TMCC1: variants seen among roughly 807,000 people sequenced by gnomAD.
TMCC1 encodes the protein transmembrane and coiled-coil domain family 1, also known as transmembrane and coiled-coil domains protein 1.
In TMCC1, 15 loss-of-function variants were observed where a neutral mutation model predicts 52.4. That is an observed-to-expected ratio of 0.29 (90% CI 0.19 to 0.44). The LOEUF (loss-of-function observed/expected upper bound fraction) is 0.44, where lower values mean the gene tolerates loss of function less well. TMCC1 is among the 20% of genes least tolerant of loss of function. The pLI is 1.00. For missense variants in TMCC1, 503 were observed against 806.0 expected (o/e 0.62, Z 4.55); for synonymous variants, 279 against 301.9 (o/e 0.92, Z 0.79).
intron 4 of TMCC1, among the ~76,000 whole-genome samples, chr3:129,827,103 A>G (rs1370282129): frequency 2.0e-5 from 3 of 152,234 alleles, no homozygotes; most frequent in East Asian, 3.8e-4. Context: ...TCCAAGCTCC[A>G]TAACACCTAA....
At chr3:129,846,804 G>A (rs941939936) in intron 2 of TMCC1, among the ~76,000 whole-genome samples, 1 of 149,530 alleles carries the variant, frequency 6.7e-6, no homozygotes, top group East Asian at 2.0e-4. Flanking sequence ...TGAGGCAGGA[G>A]GATCACTTGA....
intron 4 of TMCC1, among the ~76,000 whole-genome samples, chr3:129,725,104 CA>C (rs1168282054): frequency 6.6e-6 from 1 of 152,110 alleles, no homozygotes; most frequent in Non-Finnish European, 1.5e-5. Flanking sequence ...TAAAGATAAT[CA>C]TACAATTTCA....
At chr3:129,802,630 T>G (rs2057258879) in intron 4 of TMCC1, among the ~76,000 whole-genome samples, 1 of 152,058 alleles carries the variant, frequency 6.6e-6, no homozygotes, top group Admixed American at 6.6e-5. Context: ...CTATAGAGAC[T>G]AGCTGTGAAG....
intron 5 of TMCC1, among the ~76,000 whole-genome samples, chr3:129,665,517 G>C (rs1390446206): frequency 6.6e-6 from 1 of 152,164 alleles, no homozygotes; most frequent in Non-Finnish European, 1.5e-5. Flanking sequence ...ACTGGCCTAG[G>C]AAACTTTCCA....
chr3:129,706,266 C>T (rs558996606), intron 4 of TMCC1, among the ~76,000 whole-genome samples: 15 of 151,894 alleles, frequency 9.9e-5, no homozygotes, highest in Middle Eastern at 3.4e-3. Context: ...GTGCAGTGCG[C>T]GATCTCGGCT....
At chr3:129,787,443 A>G (rs2056119041) in intron 4 of TMCC1, among the ~76,000 whole-genome samples, 1 of 152,172 alleles carries the variant, frequency 6.6e-6, no homozygotes, top group South Asian at 2.1e-4. Context: ...GGGAAGTTGC[A>G]TGTCCATTGT....
chr3:129,848,150 T>C (rs1431479160), intron 2 of TMCC1, among the ~76,000 whole-genome samples: 2 of 152,194 alleles, frequency 1.3e-5, no homozygotes, highest in Non-Finnish European at 2.9e-5. Context: ...AGATTAAAAG[T>C]TTTTAACTTG....
At chr3:129,706,079 C>T (rs1476017432) in intron 4 of TMCC1, among the ~76,000 whole-genome samples, 4 of 150,928 alleles carry the variant, frequency 2.7e-5, no homozygotes, top group Non-Finnish European at 4.4e-5. Flanking sequence ...TTAGTAGAGA[C>T]GGGGTTTCAC....
chr3:129,737,429 G>A (rs1358349370), intron 4 of TMCC1, among the ~76,000 whole-genome samples: 2 of 151,890 alleles, frequency 1.3e-5, no homozygotes, highest in Non-Finnish European at 1.5e-5. Flanking sequence ...GTAGTGAGCC[G>A]AGATCACGCC....
At chr3:129,790,975 G>A (rs1312312394) in intron 4 of TMCC1, among the ~76,000 whole-genome samples, 1 of 151,996 alleles carries the variant, frequency 6.6e-6, no homozygotes, top group Non-Finnish European at 1.5e-5. Flanking sequence ...TATAGGAAAG[G>A]GCTGCTCTAA....
chr3:129,671,335 T>C (rs1034196716), intron 4 of TMCC1, 71 bp from the exon 5 acceptor site: 4 of 1,443,594 alleles, frequency 2.8e-6, no homozygotes, highest in Non-Finnish European at 3.7e-6. Flanking sequence ...TGGGCCAAAA[T>C]GTATTGGAAA....
At chr3:129,884,259 G>A (rs892333942) in intron 1 of TMCC1, among the ~76,000 whole-genome samples, 7 of 152,000 alleles carry the variant, frequency 4.6e-5, no homozygotes, top group Non-Finnish European at 1.0e-4. Flanking sequence ...AAATATACAC[G>A]CATACTGGAC....
chr3:129,655,965 A>C (rs535155115), intron 5 of TMCC1, among the ~76,000 whole-genome samples: 13 of 152,228 alleles, frequency 8.5e-5, no homozygotes, highest in Non-Finnish European at 1.5e-4. Context: ...ATGGATGATA[A>C]ATGTACAGAA....
At chr3:129,678,958 C>A (rs967383484) in intron 4 of TMCC1, among the ~76,000 whole-genome samples, 2 of 152,206 alleles carry the variant, frequency 1.3e-5, no homozygotes, top group Non-Finnish European at 2.9e-5. Flanking sequence ...GATTACGACA[C>A]TCTTTTTATA....
chr3:129,751,926 T>G (rs2052566049), intron 4 of TMCC1, among the ~76,000 whole-genome samples: 1 of 152,214 alleles, frequency 6.6e-6, no homozygotes, highest in African/African-American at 2.4e-5. Flanking sequence ...GCTGCCTATC[T>G]TCTATTTACT....
At chr3:129,791,088 A>ATTTTTT (rs34048545) in intron 4 of TMCC1, among the ~76,000 whole-genome samples, 1 of 82,968 alleles carries the variant, frequency 1.2e-5, no homozygotes, top group African/African-American at 3.9e-5. Flanking sequence ...ACACTCCATA[A>ATTTTTT]TTTTTTTTTT....
chr3:129,775,719 C>G (rs2054985579), intron 4 of TMCC1, among the ~76,000 whole-genome samples: 1 of 152,166 alleles, frequency 6.6e-6, no homozygotes, highest in African/African-American at 2.4e-5. Context: ...CAAATCCTAT[C>G]AAATCTACCT....
intron 4 of TMCC1, among the ~76,000 whole-genome samples, chr3:129,712,856 T>C (rs564050970): frequency 6.6e-6 from 1 of 152,172 alleles, no homozygotes; most frequent in Non-Finnish European, 1.5e-5. Flanking sequence ...CATTCTTGTT[T>C]TATAGATGAG....
Position 129,893,602 on chromosome 3 carries a change from C to T in TMCC1, c.-543G>A, listed in dbSNP as rs1013641111. On this transcript the variant is annotated 5_prime_UTR_variant, in exon 1 of 7. In the 5' UTR this introduces an upstream ATG that the reference lacks. Transcript: ENST00000393238. ...GCACCCGGTCCATCCCCCACAACCA[C>T]CCCCCCCTCCCGACCCTCCCCCCGC... 1 of 150,360 alleles carries T rather than the reference C, an allele frequency of 6.7e-6. No homozygotes were observed. Among genetic ancestry groups the T allele is most frequent in the Admixed American group, 6.6e-5 (1 of 15,072 alleles). 9.3% of individuals were successfully genotyped at this position (150,360 alleles called of 1,614,324 possible). A position where few individuals can be genotyped will look rare whatever the true frequency, so the allele number is the denominator to read the frequency against.
Sources: gnomAD v4.1 joint callset for allele counts (sites outside exome capture counted in the v4.1 genomes callset) on GRCh38, gnomAD v4.1.1 for gene constraint, MANE v1.5 for transcripts, NCBI Gene and HGNC (gene_info 2026-07-23, HGNC 2026-07-21) for gene names.